PRDM5: variants seen among roughly 807,000 people sequenced by gnomAD.
The protein encoded by PRDM5 is PR domain zinc finger protein 5.
PRDM5 carries 56 observed loss-of-function variants against 81.2 expected under a neutral mutation model. The observed-to-expected ratio is 0.69, with a 90% CI of 0.56 to 0.86. The LOEUF (loss-of-function observed/expected upper bound fraction) is 0.86, where lower values mean the gene tolerates loss of function less well. Among genes scored for constraint, PRDM5 ranks in the 40% least tolerant of loss-of-function variants. The pLI, the probability that PRDM5 is intolerant of heterozygous loss-of-function variation, is 0.00. For synonymous variants in PRDM5, 267 were observed against 256.4 expected (o/e 1.04, Z -0.39); for missense variants, 697 against 770.1 (o/e 0.91, Z 1.12).
chr4:120,701,049 T>C (rs1051264815), intron 15 of PRDM5, among the ~76,000 whole-genome samples: 1 of 151,702 alleles, frequency 6.6e-6, no homozygotes, highest in Non-Finnish European at 1.5e-5. Context: ...TGCTTGAACC[T>C]GGGAGGCGGA....
intron 2 of PRDM5, among the ~76,000 whole-genome samples, chr4:120,879,821 C>T (rs1413258838): frequency 6.6e-6 from 1 of 151,614 alleles, no homozygotes; most frequent in African/African-American, 2.4e-5. Context: ...AAAGGCAAAA[C>T]TATGGAGATA....
chr4:120,709,258 T>C (rs547987057), intron 15 of PRDM5, among the ~76,000 whole-genome samples: 1 of 152,264 alleles, frequency 6.6e-6, no homozygotes, highest in Admixed American at 6.5e-5. Context: ...TTTATGAAAA[T>C]CCTTCCAATA....
intron 1 of PRDM5, among the ~76,000 whole-genome samples, chr4:120,916,136 C>T (rs1262731327): frequency 6.6e-6 from 1 of 152,086 alleles, no homozygotes; most frequent in East Asian, 1.9e-4. Context: ...TGCCTGTAAT[C>T]CCAGCACTTT....
At chr4:120,908,989 T>C (rs1481816952) in intron 1 of PRDM5, among the ~76,000 whole-genome samples, 1 of 152,172 alleles carries the variant, frequency 6.6e-6, no homozygotes, top group Non-Finnish European at 1.5e-5. Flanking sequence ...CAGGATTTGA[T>C]GGCAGGTAGG....
intron 12 of PRDM5, among the ~76,000 whole-genome samples, chr4:120,777,975 T>G (rs1409297917): frequency 6.6e-6 from 1 of 152,074 alleles, no homozygotes; most frequent in Non-Finnish European, 1.5e-5. Context: ...AGACAGAGCA[T>G]TTTAAACTGG....
At position 120,820,639 on chromosome 4, in the gene PRDM5, A is replaced by C. The variant is rs542251906; in HGVS notation, c.475+532T>G. Among the ~76,000 whole-genome samples, 340 of 152,324 alleles carry C rather than the reference A, an allele frequency of 2.2e-3. 1 individual carries two copies. Among genetic ancestry groups the C allele is most frequent in the Middle Eastern group, 0.01 (3 of 294 alleles). On this transcript the variant is annotated intron_variant, in intron 4 of 15. Transcript: ENST00000264808. ...CACTAGGGCAACCTAGCAATCCTCCAGGCTTCTGTGATCAGAACAGAAAGA... is the reference window on the plus strand; with the variant it reads ...CACTAGGGCAACCTAGCAATCCTCCCGGCTTCTGTGATCAGAACAGAAAGA...
At chr4:120,821,437 G>A (rs1022709606) in intron 3 of PRDM5, 92 bp from the exon 4 acceptor site, 13 of 1,236,536 alleles carry the variant, frequency 1.1e-5, no homozygotes, top group Non-Finnish European at 1.3e-5. Flanking sequence ...AGTACTATGT[G>A]TGCATGAAAA....
At chr4:120,872,850 A>C (rs1315505239) in intron 2 of PRDM5, among the ~76,000 whole-genome samples, 1 of 152,106 alleles carries the variant, frequency 6.6e-6, no homozygotes. Context: ...GAGATGTTTA[A>C]AGGATATAGA....
At chr4:120,848,618 T>C (rs1229744486) in intron 3 of PRDM5, among the ~76,000 whole-genome samples, 4 of 152,188 alleles carry the variant, frequency 2.6e-5, no homozygotes, top group African/African-American at 7.2e-5. Flanking sequence ...ATTCAGTAAG[T>C]GTTAGCTGCC....
At position 120,785,000 on chromosome 4, in the gene PRDM5, T is replaced by C; in HGVS notation, c.1280A>G (p.Asn427Ser). 3 of 1,588,038 alleles carry C rather than the reference T, an allele frequency of 1.9e-6. No individual in the cohort carries two copies. Among genetic ancestry groups the C allele is most frequent in the Non-Finnish European group, 2.6e-6 (3 of 1,156,372 alleles). The part of the protein sequence containing the change: ...FSLQRHLLIH[N>S]SERTFKCHHC... ...CAACTGCCTGAATCGTGACTTACTG[T>C]TATGTATTAGCAGGTGTCTCTGTAA... Residue 427 changes from asparagine (N) to serine (S), a missense_variant and splice_region_variant, in exon 11 of 16, where the codon AAC becomes AGC. By Grantham distance (46) the Asn-to-Ser change is conservative. Coordinates refer to ENST00000264808, the MANE Select transcript of PRDM5 (RefSeq NM_018699.4).
At chr4:120,818,308 CTG>C (rs756983193) in intron 5 of PRDM5, 43 bp downstream of exon 5, 9 of 1,581,540 alleles carry the variant, frequency 5.7e-6, no homozygotes, top group Non-Finnish European at 6.1e-6. Context: ...ATGGAATAAA[CTG>C]TGTTAGCTTA....
chr4:120,803,370 T>C (rs1421010244), intron 8 of PRDM5, among the ~76,000 whole-genome samples: 1 of 151,756 alleles, frequency 6.6e-6, no homozygotes, highest in Non-Finnish European at 1.5e-5. Flanking sequence ...ACAAAGATAC[T>C]CCTCAAGAAG....
At chr4:120,915,805 G>A (rs373416654) in intron 1 of PRDM5, among the ~76,000 whole-genome samples, 18 of 152,258 alleles carry the variant, frequency 1.2e-4, no homozygotes, top group African/African-American at 3.9e-4. Flanking sequence ...TAGGGAAGAG[G>A]AGCAGGCATA....
chr4:120,818,250 G>T, intron 5 of PRDM5, 103 bp downstream of exon 5: 1 of 1,229,342 alleles, frequency 8.1e-7, no homozygotes, highest in Non-Finnish European at 1.2e-6. Context: ...ATGCGCGTGC[G>T]CGCGTGCACA....
chr4:120,698,394 C>A (rs1367398389), intron 15 of PRDM5, among the ~76,000 whole-genome samples: 1 of 152,042 alleles, frequency 6.6e-6, no homozygotes, highest in African/African-American at 2.4e-5. Flanking sequence ...CCTTTTATTC[C>A]CCTTTATTTT....
intron 8 of PRDM5, among the ~76,000 whole-genome samples, chr4:120,809,868 A>G (rs1753581436): frequency 6.6e-6 from 1 of 152,176 alleles, no homozygotes. Context: ...ACATTCTGCA[A>G]AGACCACTCA....
At chr4:120,838,855 T>G in intron 3 of PRDM5, 1 of 215,262 alleles carries the variant, frequency 4.6e-6, no homozygotes, top group Non-Finnish European at 9.4e-6. Context: ...TGGCCTGGAT[T>G]CCACACCTGC....
rs919479162 is a variant in PRDM5 at position 120,785,182 on chromosome 4, G to T, written c.1189-91C>A. The T allele has an allele frequency of 3.0e-4, 291 of 966,794 alleles. 4 individuals carry two copies. In the East Asian group the frequency reaches 7.0e-3, roughly 23 times the overall value. 59.9% of individuals were successfully genotyped at this position (966,794 alleles called of 1,614,324 possible). A position where few individuals can be genotyped will look rare whatever the true frequency, so the allele number is the denominator to read the frequency against. On this transcript the variant is annotated intron_variant, in intron 10 of 15. Coordinates refer to ENST00000264808, the MANE Select transcript of PRDM5 (RefSeq NM_018699.4). ...AGCTTGGATTCATGATGCGAAAGAG[G>T]AAAGAAGGGAAGGTGGACAGTATCT...
At chr4:120,755,362 C>A (rs1482707721) in intron 13 of PRDM5, among the ~76,000 whole-genome samples, 1 of 152,194 alleles carries the variant, frequency 6.6e-6, no homozygotes, top group Non-Finnish European at 1.5e-5. Context: ...AAAGCCAAAT[C>A]ATTTAGGATG....
Sources: allele counts gnomAD v4.1 joint callset (sites outside exome capture counted in the v4.1 genomes callset), GRCh38; gene constraint gnomAD v4.1.1; transcripts MANE v1.5; gene names NCBI Gene and HGNC (gene_info 2026-07-23, HGNC 2026-07-21).